The following BLVRB variants were observed in gnomAD, a reference collection of about 807,000 sequenced individuals.
The protein encoded by BLVRB is biliverdin reductase B.
In BLVRB, 25 loss-of-function variants were observed where a neutral mutation model predicts 21.1. The observed-to-expected ratio is 1.19, with a 90% confidence interval of 0.86 to 1.66. The LOEUF is 1.66. Among genes scored for constraint, BLVRB ranks in the 40% most tolerant of loss-of-function variants. The pLI, the probability that BLVRB is intolerant of heterozygous loss-of-function variation, is 0.00. For missense variants in BLVRB, 274 were observed against 282.7 expected (o/e 0.97, Z 0.22); for synonymous variants, 128 against 122.2 (o/e 1.05, Z -0.31).
intron 1 of BLVRB, among the ~76,000 whole-genome samples, chr19:40,459,520 T>C (rs1188675130): frequency 6.7e-6 from 1 of 148,974 alleles, no homozygotes; most frequent in African/African-American, 2.5e-5. Context: ...CAATCTCGGC[T>C]CACTGCAACC....
intron 4 of BLVRB, among the ~76,000 whole-genome samples, chr19:40,448,960 G>A (rs1408808532): frequency 6.6e-6 from 1 of 151,998 alleles, no homozygotes. Context: ...GGTGGCTTAT[G>A]CCTGTAGTCC....
intron 1 of BLVRB, among the ~76,000 whole-genome samples, chr19:40,463,994 C>G (rs1409251930): frequency 6.6e-6 from 1 of 152,120 alleles, no homozygotes; most frequent in Non-Finnish European, 1.5e-5. Flanking sequence ...GTCTCGAACT[C>G]CTGACCTCGT....
intron 3 of BLVRB, chr19:40,457,932 A>G (rs1006802188): frequency 3.1e-5 from 16 of 518,208 alleles, no homozygotes; most frequent in African/African-American, 2.7e-4. Context: ...TTGATCATGG[A>G]TCTGTTTACC....
chr19:40,458,565 G>T lies in BLVRB; in HGVS notation c.80-20C>A, dbSNP rs771745372. ...CGTAACCTGTGGGCAAAGAGGAGCA[G>T]AGAGCCTGGTCAGTGGGCTGGCACT... On this transcript the variant is annotated intron_variant, in intron 1 of 4. Coordinates refer to ENST00000263368, the MANE Select transcript of BLVRB (RefSeq NM_000713.3). 1 of 1,578,418 alleles carries T rather than the reference G, an allele frequency of 6.3e-7. No homozygotes were observed. The highest frequency in any genetic ancestry group is 2.3e-5 in the East Asian group (1 of 44,214).
At chr19:40,454,109 G>A (rs930333504) in intron 3 of BLVRB, among the ~76,000 whole-genome samples, 2 of 152,166 alleles carry the variant, frequency 1.3e-5, no homozygotes, top group African/African-American at 2.4e-5. Flanking sequence ...AATTAGATGG[G>A]CATGGTGGCA....
chr19:40,448,981 G>A (rs1307165461), intron 4 of BLVRB, among the ~76,000 whole-genome samples: 1 of 152,024 alleles, frequency 6.6e-6, no homozygotes, highest in Non-Finnish European at 1.5e-5. Context: ...CAGCTACTTG[G>A]GCAGGAGAAT....
chr19:40,453,436 C>T (rs2079749474), intron 3 of BLVRB, among the ~76,000 whole-genome samples: 1 of 152,166 alleles, frequency 6.6e-6, no homozygotes, highest in African/African-American at 2.4e-5. Flanking sequence ...TTTCCTGCTC[C>T]AATCCCAGCC....
Position 40,458,263 on chromosome 19 carries a change from T to C in BLVRB, c.245-19A>G. ...GTGGGACCTTAGAGGGGACAGAGAG[T>C]GGCTGTCACTGGTGGGCGGCGGCGG... On this transcript the variant is annotated intron_variant, in intron 2 of 4. Transcript: ENST00000263368. 1.5e-6 allele frequency: 2 copies of C among 1,344,592 alleles called. No individual in the cohort carries two copies. The highest frequency in any genetic ancestry group is 2.0e-6 in the Non-Finnish European group (2 of 1,007,196). 83.3% of individuals were successfully genotyped at this position (1,344,592 alleles called of 1,614,324 possible).
At position 40,465,643 on chromosome 19, in the gene BLVRB, C is replaced by G. The variant is rs1461867335; in HGVS notation, c.46G>C (p.Gly16Arg). Residue 16 changes from glycine to arginine, a missense_variant, in exon 1 of 5, where the codon GGG (glycine) becomes CGG (arginine). By Grantham distance (125) the Gly-to-Arg change is moderately radical. Transcript: ENST00000263368. ...ACCGCCTGCGCCAGGGTGGTGAGCC[C>G]GGTCTGGCCAGTGGCGCCGAAGATC... ...IAIFGATGQTGLTTLAQAVQA... is the reference protein window; with the variant it reads ...IAIFGATGQTRLTTLAQAVQA... The G allele has an allele frequency of 3.3e-5, 53 of 1,612,666 alleles. No homozygotes were observed. Among genetic ancestry groups the G allele is most frequent in the Non-Finnish European group, 4.2e-5 (49 of 1,179,834 alleles).
intron 1 of BLVRB, among the ~76,000 whole-genome samples, chr19:40,461,438 G>A (rs1040177867): frequency 4.6e-5 from 7 of 151,440 alleles, no homozygotes; most frequent in African/African-American, 7.3e-5. Context: ...CAGGCCCCTC[G>A]GGATCTGGCT....
intron 4 of BLVRB, among the ~76,000 whole-genome samples, chr19:40,450,000 C>A (rs984784883): frequency 6.6e-6 from 1 of 150,644 alleles, no homozygotes; most frequent in African/African-American, 2.4e-5. Flanking sequence ...GAGATCGAGA[C>A]CATCTTGGCC....
At chr19:40,452,404 C>G (rs2079743754) in intron 3 of BLVRB, among the ~76,000 whole-genome samples, 1 of 152,070 alleles carries the variant, frequency 6.6e-6, no homozygotes, top group Non-Finnish European at 1.5e-5. Flanking sequence ...CCTTGACTTT[C>G]TGGGCTGAAG....
chr19:40,454,881 GC>G (rs2079756219), intron 3 of BLVRB, among the ~76,000 whole-genome samples: 1 of 151,298 alleles, frequency 6.6e-6, no homozygotes, highest in Admixed American at 6.6e-5. Flanking sequence ...TTGCTCTGCA[GC>G]CAAGGCTGGA....
intron 1 of BLVRB, among the ~76,000 whole-genome samples, chr19:40,464,056 C>T (rs1018843335): frequency 2.0e-5 from 3 of 151,730 alleles, no homozygotes; most frequent in South Asian, 2.1e-4. Flanking sequence ...CGTGAGCCAC[C>T]GCACCCAGCC....
intron 3 of BLVRB, among the ~76,000 whole-genome samples, chr19:40,452,822 G>A (rs1486761617): frequency 6.6e-6 from 1 of 151,558 alleles, no homozygotes; most frequent in East Asian, 1.9e-4. Context: ...CTGAGATCGC[G>A]CCACGGCACT....
intron 3 of BLVRB, among the ~76,000 whole-genome samples, chr19:40,453,729 C>T (rs994901751): frequency 6.2e-4 from 95 of 152,284 alleles, no homozygotes; most frequent in African/African-American, 2.1e-3. Context: ...GAGTGGCTCA[C>T]ACCTGTAATC....
rs751696189 is a variant in BLVRB at position 40,459,327 on chromosome 19, C to CAAAAAAAAA, written c.80-791_80-783dup. Among the ~76,000 whole-genome samples, 32 of 34,430 alleles carry CAAAAAAAAA rather than the reference C, an allele frequency of 9.3e-4. 5 individuals carry two copies. The highest frequency in any genetic ancestry group is 1.6e-3 in the African/African-American group (15 of 9,310). 22.6% of individuals were successfully genotyped at this position (34,430 alleles called of 152,430 possible). On this transcript the variant is annotated intron_variant, in intron 1 of 4. Transcript: ENST00000263368. ...TGGATGACAAAGCGAGACTCTATCT[C>CAAAAAAAAA]AAAAAAAAAAAAAAAAAAAAAAAAA...
At position 40,455,202 on chromosome 19, in the gene BLVRB, C is replaced by T. The variant is rs141187904; in HGVS notation, c.334+2953G>A. On this transcript the variant is annotated intron_variant, in intron 3 of 4. Coordinates refer to ENST00000263368, the MANE Select transcript of BLVRB (RefSeq NM_000713.3). Reference sequence around the variant, plus strand: ...ATGCCTCCATAAAAAACAATCCTCCCCAAGCCCTAATGGATAAACTCCAAG... The same window carrying T: ...ATGCCTCCATAAAAAACAATCCTCCTCAAGCCCTAATGGATAAACTCCAAG... Among the ~76,000 whole-genome samples, 1,089 of 152,218 alleles carry T rather than the reference C, an allele frequency of 7.2e-3. 5 individuals are homozygous for T. Among genetic ancestry groups the T allele is most frequent in the Middle Eastern group, 0.044 (13 of 294 alleles).
At chr19:40,463,707 C>T (rs978715234) in intron 1 of BLVRB, among the ~76,000 whole-genome samples, 2 of 151,242 alleles carry the variant, frequency 1.3e-5, no homozygotes, top group East Asian at 2.0e-4. Flanking sequence ...CAGGTTCAAG[C>T]GATTCTTGTG....
Sources: gnomAD v4.1 joint callset for allele counts (sites outside exome capture counted in the v4.1 genomes callset) on GRCh38, gnomAD v4.1.1 for gene constraint, MANE v1.5 for transcripts, NCBI Gene and HGNC (gene_info 2026-07-23, HGNC 2026-07-21) for gene names.